CACNA1I: variants seen among roughly 807,000 people sequenced by gnomAD.
CACNA1I encodes the protein voltage-dependent T-type calcium channel subunit alpha-1I.
Under a neutral mutation model 201.6 loss-of-function variants are expected in CACNA1I, and 74 were observed. The observed-to-expected ratio is 0.37, with a 90% CI of 0.30 to 0.45. The LOEUF (loss-of-function observed/expected upper bound fraction) is 0.45. CACNA1I is among the 20% of genes least tolerant of loss of function. The pLI is 1.00. For missense variants in CACNA1I, 2,346 were observed against 3,138.1 expected, an observed-to-expected ratio of 0.75 and a Z score of 6.03; for synonymous variants, 1,431 against 1,345.2, an observed-to-expected ratio of 1.06 and a Z score of -1.40.
intron 10 of CACNA1I, 94 bp from the exon 11 acceptor site, chr22:39,658,058 C>A: frequency 7.4e-7 from 1 of 1,354,232 alleles, no homozygotes; most frequent in Non-Finnish European, 1.0e-6. Context: ...CACCGACCTG[C>A]CAGGGTCACA....
At chr22:39,634,476 C>G (rs1343935117) in intron 4 of CACNA1I, 89 bp from the exon 5 acceptor site, 5 of 1,288,730 alleles carry the variant, frequency 3.9e-6, no homozygotes, top group African/African-American at 2.9e-5. Flanking sequence ...CCCCCTCCCC[C>G]TCCCTGTTTC....
At chr22:39,599,880 G>A (rs1839479293) in intron 2 of CACNA1I, among the ~76,000 whole-genome samples, 1 of 152,152 alleles carries the variant, frequency 6.6e-6, no homozygotes. Context: ...CACTAATCCT[G>A]GAAACAGGAA....
chr22:39,584,130 G>C (rs1473734307), intron 1 of CACNA1I, among the ~76,000 whole-genome samples: 1 of 152,214 alleles, frequency 6.6e-6, no homozygotes, highest in African/African-American at 2.4e-5. Context: ...GAGGATATGA[G>C]GCTACAGGAG....
chr22:39,576,607 G>C (rs1932364052), intron 1 of CACNA1I, among the ~76,000 whole-genome samples: 2 of 152,238 alleles, frequency 1.3e-5, no homozygotes. Context: ...GTGATGCATA[G>C]TGCGGAAGCC....
intron 1 of CACNA1I, among the ~76,000 whole-genome samples, chr22:39,583,086 A>G (rs1180875552): frequency 2.3e-5 from 3 of 131,848 alleles, no homozygotes; most frequent in African/African-American, 2.9e-5. Context: ...CCATCCAACA[A>G]TCCGTCCATT....
Position 39,636,781 on chromosome 22 carries a change from T to C in CACNA1I, c.740+2057T>C, listed in dbSNP as rs1033306225. On this transcript the variant is annotated intron_variant, in intron 5 of 36. Coordinates refer to ENST00000402142, the MANE Select transcript of CACNA1I (RefSeq NM_021096.4). Reference sequence around the variant, plus strand: ...AGTTGGGCAGGGGAATTCCTCAAAGTCCTCTTTTCGGGCTCTCCCCAGCCG... The same window carrying C: ...AGTTGGGCAGGGGAATTCCTCAAAGCCCTCTTTTCGGGCTCTCCCCAGCCG... Among the ~76,000 whole-genome samples, 8 of 152,274 alleles carry C rather than the reference T, an allele frequency of 5.3e-5. 1 individual carries two copies. Among genetic ancestry groups the C allele is most frequent in the Middle Eastern group, 6.8e-3 (2 of 294 alleles).
In CACNA1I at chr22:39,582,975, T is replaced by C. The variant is rs920550023; in HGVS notation, c.236+11987T>C. 2.0e-5 allele frequency among the ~76,000 whole-genome samples: 3 copies of C among 150,270 alleles called. No individual in the cohort carries two copies. In the East Asian group the frequency reaches 5.9e-4, roughly 30 times the overall value. On this transcript the variant is annotated intron_variant, in intron 1 of 36. Transcript: ENST00000402142. ...ATCCATCCATCCAACAATCCATCCA[T>C]CCCTCCATCCATCCACCCACCCATC...
rs1935888411 is a variant in CACNA1I, at chr22:39,686,609, C to CATATATATATATATATGCATATATAT, written c.*221_*246dup. On this transcript the variant is annotated 3_prime_UTR_variant, in exon 37 of 37. Transcript: ENST00000402142. ...GTGGCCCTTCCAGTGCATATACATA[C>CATATATATATATATATGCATATATAT]ATATATATATATATATGCATATATA... 1.5e-5 allele frequency: 2 copies of CATATATATATATATATGCATATATAT among 135,808 alleles called. No individual in the cohort carries two copies. Among genetic ancestry groups the CATATATATATATATATGCATATATAT allele is most frequent in the South Asian group, 2.5e-4 (1 of 4,058 alleles). The allele number at this position is 135,808 out of a possible 1,614,324, so 8.4% of individuals were successfully genotyped here.
chr22:39,572,549 G>A (rs190852501), intron 1 of CACNA1I, among the ~76,000 whole-genome samples: 128 of 152,154 alleles, frequency 8.4e-4, no homozygotes, highest in Non-Finnish European at 1.5e-3. Flanking sequence ...ATGCAGAACT[G>A]GGTGTTCCTT....
chr22:39,575,540 A>G (rs1156630336), intron 1 of CACNA1I, among the ~76,000 whole-genome samples: 1 of 152,106 alleles, frequency 6.6e-6, no homozygotes, highest in African/African-American at 2.4e-5. Context: ...GATAGAACAT[A>G]ACACCTTCAG....
intron 1 of CACNA1I, among the ~76,000 whole-genome samples, chr22:39,572,096 G>A (rs986381883): frequency 4.6e-5 from 7 of 152,114 alleles, no homozygotes; most frequent in Admixed American, 3.3e-4. Flanking sequence ...CAGGTGTGGC[G>A]GGAGCCCTGC....
At chr22:39,631,107 T>A (rs1934051234) in intron 4 of CACNA1I, among the ~76,000 whole-genome samples, 1 of 152,164 alleles carries the variant, frequency 6.6e-6, no homozygotes, top group Admixed American at 6.5e-5. Flanking sequence ...GAATCTTCCG[T>A]CAGAGGTGTC....
intron 3 of CACNA1I, among the ~76,000 whole-genome samples, chr22:39,604,262 T>A (rs561830347): frequency 6.6e-6 from 1 of 152,194 alleles, no homozygotes; most frequent in African/African-American, 2.4e-5. Context: ...ATAAAGACGA[T>A]GAGGCTCTAA....
intron 4 of CACNA1I, among the ~76,000 whole-genome samples, chr22:39,632,900 C>T (rs1171295364): frequency 5.9e-5 from 9 of 151,480 alleles, no homozygotes; most frequent in Admixed American, 3.3e-4. Context: ...GGCCTGCTCT[C>T]GGTGGGGTGA....
chr22:39,661,286 G>T lies in CACNA1I; in HGVS notation c.2877G>T (p.Arg959Ser). 1 of 1,591,614 alleles carries T rather than the reference G, an allele frequency of 6.3e-7. No homozygotes were observed. Among genetic ancestry groups the T allele is most frequent in the Non-Finnish European group, 8.6e-7 (1 of 1,168,744 alleles). The part of the protein sequence containing the change: ...SRKSSVMSLG[R>S]MSYDQRSLSS... ...AGAGCAGTGTCATGTCTCTAGGGAG[G>T]ATGAGCTATGACCAGCGCTCCCTGG... is the stretch of plus-strand genomic sequence containing the variant. Residue 959 changes from arginine (R) to serine (S), a missense_variant, in exon 16 of 37, where the codon AGG becomes AGT. By Grantham distance (110) the Arg-to-Ser change is moderately radical. Coordinates refer to ENST00000402142, the MANE Select transcript of CACNA1I (RefSeq NM_021096.4).
At chr22:39,572,679 G>A (rs1932224769) in intron 1 of CACNA1I, among the ~76,000 whole-genome samples, 1 of 152,052 alleles carries the variant, frequency 6.6e-6, no homozygotes, top group East Asian at 1.9e-4. Flanking sequence ...ATCTGCCCTG[G>A]GACACTGAGG....
chr22:39,655,620 C>T (rs1027967629), intron 10 of CACNA1I, among the ~76,000 whole-genome samples: 2 of 152,140 alleles, frequency 1.3e-5, no homozygotes, highest in African/African-American at 2.4e-5. Flanking sequence ...CTCCATGTCT[C>T]CATCTCTCCA....
At chr22:39,617,216 G>A (rs1402537315) in intron 3 of CACNA1I, among the ~76,000 whole-genome samples, 9 of 152,204 alleles carry the variant, frequency 5.9e-5, no homozygotes, top group Non-Finnish European at 8.8e-5. Flanking sequence ...TTTTCATGGC[G>A]AGGCTTCATG....
At chr22:39,679,469 G>A (rs1009082855) in intron 32 of CACNA1I, 24 bp downstream of exon 32, 57 of 1,388,632 alleles carry the variant, frequency 4.1e-5, no homozygotes, top group African/African-American at 3.7e-4. Context: ...GGAGAGGTGT[G>A]AGGGTCGCCA....
Sources: allele counts gnomAD v4.1 joint callset (sites outside exome capture counted in the v4.1 genomes callset), GRCh38; gene constraint gnomAD v4.1.1; transcripts MANE v1.5; gene names NCBI Gene and HGNC (gene_info 2026-07-23, HGNC 2026-07-21).